HNRNPF: variants seen among roughly 807,000 people sequenced by gnomAD.
HNRNPF encodes HnRNP F protein.
HNRNPF carries 2 observed loss-of-function variants against 26.0 expected under a neutral mutation model. That is an observed-to-expected ratio of 0.08 (90% confidence interval 0.03 to 0.24). The LOEUF is 0.24. Ranked by LOEUF, HNRNPF falls within the 10% of genes least tolerant of loss-of-function variation. HNRNPF has a pLI of 1.00. For synonymous variants in HNRNPF, 234 were observed against 211.5 expected, an observed-to-expected ratio of 1.11 and a Z score of -0.92; for missense variants, 299 against 539.2, an observed-to-expected ratio of 0.55 and a Z score of 4.41.
At chr10:43,399,323 A>G (rs193150494) in intron 1 of HNRNPF, among the ~76,000 whole-genome samples, 172 of 152,260 alleles carry the variant, frequency 1.1e-3, no homozygotes, top group Admixed American at 3.7e-3. Context: ...CCTGGGCTCA[A>G]CTGATCCACC....
chr10:43,403,263 C>T (rs1259525891), intron 1 of HNRNPF, among the ~76,000 whole-genome samples: 3 of 152,188 alleles, frequency 2.0e-5, no homozygotes, highest in African/African-American at 4.8e-5. Flanking sequence ...AGCAATCCGC[C>T]TGCCTTGGCC....
chr10:43,387,840 G>A lies in HNRNPF; in HGVS notation c.45C>T (p.Leu15=), dbSNP rs150534928. Residue 15 remains leucine (L), a synonymous_variant, in exon 4 of 4, where the codon CTC becomes CTT. Coordinates refer to ENST00000682386, the MANE Select transcript of HNRNPF (RefSeq NM_001098204.2). This position sits in a 1 kb window ranked among gnomAD's most constrained non-coding sequence, Gnocchi z 6.0. ...PEGGEGFVVK[L]RGLPWSCSVE... ...CAGAGCAGGACCAGGGCAGGCCACG[G>A]AGCTTGACCACAAAGCCTTCACCTC... The A allele has an allele frequency of 6.2e-5, 100 of 1,613,552 alleles. No homozygotes were observed. Among genetic ancestry groups the A allele is most frequent in the Non-Finnish European group, 8.0e-5 (94 of 1,179,690 alleles).
intron 1 of HNRNPF, among the ~76,000 whole-genome samples, chr10:43,398,145 A>C (rs1389779663): frequency 1.3e-5 from 2 of 151,884 alleles, no homozygotes; most frequent in Non-Finnish European, 2.9e-5. Context: ...CTCCTGCCTC[A>C]GCCTCCCGAG....
chr10:43,400,502 C>G (rs1241688849), intron 1 of HNRNPF, among the ~76,000 whole-genome samples: 3 of 152,072 alleles, frequency 2.0e-5, no homozygotes, highest in Non-Finnish European at 4.4e-5. Context: ...GATCATAGAC[C>G]ATATTTGTTA....
intron 3 of HNRNPF, among the ~76,000 whole-genome samples, chr10:43,391,320 T>A (rs1308317511): frequency 1.3e-5 from 2 of 149,448 alleles, no homozygotes; most frequent in Non-Finnish European, 3.0e-5. Context: ...TACCTGGACG[T>A]GGTGGTGGGC....
At chr10:43,407,065 T>C (rs1057002973) in intron 1 of HNRNPF, among the ~76,000 whole-genome samples, 2 of 152,144 alleles carry the variant, frequency 1.3e-5, no homozygotes, top group African/African-American at 4.8e-5. Flanking sequence ...ATTTAACTTT[T>C]AAAAATATAA....
chr10:43,388,692 G>T (rs547702282), intron 3 of HNRNPF, among the ~76,000 whole-genome samples: 1 of 152,324 alleles, frequency 6.6e-6, no homozygotes, highest in Non-Finnish European at 1.5e-5. Flanking sequence ...TGAAGATCTG[G>T]AAGAGGGCAT....
intron 1 of HNRNPF, among the ~76,000 whole-genome samples, chr10:43,403,914 C>T (rs1838830584): frequency 6.6e-6 from 1 of 151,948 alleles, no homozygotes; most frequent in African/African-American, 2.4e-5. Flanking sequence ...ATTGCCTGAG[C>T]CCAGGAGGTT....
chr10:43,396,251 G>A (rs898811219), intron 2 of HNRNPF, among the ~76,000 whole-genome samples: 1 of 152,178 alleles, frequency 6.6e-6, no homozygotes. Flanking sequence ...CACCCACCTC[G>A]TTTTCTTTTG....
At chr10:43,393,675 A>C (rs575448650) in intron 3 of HNRNPF, among the ~76,000 whole-genome samples, 157 of 151,840 alleles carry the variant, frequency 1.0e-3, no homozygotes, top group Non-Finnish European at 2.0e-3. Context: ...TACTTTTAAA[A>C]CTCATTACTG....
Position 43,387,756 on chromosome 10 carries a change from G to A in HNRNPF, c.129C>T (p.Val43=), listed in dbSNP as rs754868806. 1.2e-6 allele frequency: 2 copies of A among 1,613,966 alleles called. No individual in the cohort carries two copies. The highest frequency in any genetic ancestry group is 1.1e-5 in the South Asian group (1 of 91,062). The change falls in exon 4 of 4, where the codon GTC becomes GTT. Residue 43 remains valine, a synonymous_variant. Transcript: ENST00000682386. The surrounding 1 kb of genome is among the most constrained non-coding windows in gnomAD (Gnocchi z 6.0). ...DCTIHDGAAG[V]HFIYTREGRQ... ...TGCCCTCTCTAGTGTAGATGAAATG[G>A]ACACCTGCGGCCCCATCATGAATCG...
intron 3 of HNRNPF, among the ~76,000 whole-genome samples, chr10:43,393,318 G>A (rs976586933): frequency 2.6e-5 from 4 of 152,138 alleles, no homozygotes; most frequent in East Asian, 1.9e-4. Flanking sequence ...AGCATAGGCC[G>A]GGCGCAGTGG....
chr10:43,398,259 C>T (rs978507273), intron 1 of HNRNPF, among the ~76,000 whole-genome samples: 10 of 151,770 alleles, frequency 6.6e-5, no homozygotes, highest in Non-Finnish European at 1.0e-4. Flanking sequence ...ATCTTGACCT[C>T]GTGATCCCCC....
At chr10:43,398,386 G>C (rs1838640258) in intron 1 of HNRNPF, among the ~76,000 whole-genome samples, 1 of 145,994 alleles carries the variant, frequency 6.8e-6, no homozygotes, top group Non-Finnish European at 1.5e-5. Context: ...CTGTTGCCCG[G>C]GCTGGAGTGC....
intron 3 of HNRNPF, among the ~76,000 whole-genome samples, chr10:43,388,166 GA>G (rs1838105794): frequency 6.6e-6 from 1 of 152,116 alleles, no homozygotes; most frequent in Non-Finnish European, 1.5e-5. Context: ...TGAACACAGA[GA>G]AATGTAAGTT....
intron 1 of HNRNPF, among the ~76,000 whole-genome samples, chr10:43,400,801 T>G (rs905526419): frequency 5.3e-5 from 8 of 152,336 alleles, no homozygotes; most frequent in African/African-American, 1.4e-4. Context: ...TAAAAGCTAT[T>G]AAGGACTGAG....
intron 1 of HNRNPF, among the ~76,000 whole-genome samples, chr10:43,406,054 A>G (rs1838908911): frequency 6.6e-6 from 1 of 152,180 alleles, no homozygotes; most frequent in South Asian, 2.1e-4. Context: ...TGGGGCTAAT[A>G]GCAAGCCCTT....
rs1020511134 is a variant in HNRNPF, at chr10:43,401,775, G to A, written c.-246-5185C>T. Among the ~76,000 whole-genome samples, 14 of 152,168 alleles carry A rather than the reference G, an allele frequency of 9.2e-5. No individual in the cohort carries two copies. The South Asian group carries it at 2.7e-3, about 29-fold the overall frequency. On this transcript the variant is annotated intron_variant, in intron 1 of 3. Transcript: ENST00000682386. ...GCTGGAGAGAAAGGAGGCCTGTGGG[G>A]TATCCTCAGCCCCCTGAGGAAGGTA...
chr10:43,390,922 C>T (rs1331031609), intron 3 of HNRNPF, among the ~76,000 whole-genome samples: 1 of 152,140 alleles, frequency 6.6e-6, no homozygotes, highest in Non-Finnish European at 1.5e-5. Flanking sequence ...TAGCACCCTC[C>T]ACCTCCAGTT....
Sources: allele counts gnomAD v4.1 joint callset (sites outside exome capture counted in the v4.1 genomes callset), GRCh38; gene constraint gnomAD v4.1.1; non-coding constraint Gnocchi (gnomAD v3.1); transcripts MANE v1.5; gene names NCBI Gene and HGNC (gene_info 2026-07-23, HGNC 2026-07-21).